TRIQK: variants seen among roughly 807,000 people sequenced by gnomAD.
The protein encoded by TRIQK is triple QxxK/R motif containing, also known as triple QxxK/R motif-containing protein.
A neutral mutation model predicts 10.8 loss-of-function variants in TRIQK; 10 were observed. The observed-to-expected ratio is 0.92, with a 90% CI of 0.57 to 1.57. The LOEUF is 1.57. Among genes scored for constraint, TRIQK ranks in the 40% most tolerant of loss-of-function variants. The probability of loss-of-function intolerance (pLI) is 0.00; values close to 1 mark genes in which losing one functional copy is unlikely to be tolerated. For missense variants in TRIQK, 107 were observed against 97.7 expected (o/e 1.09, Z -0.40); for synonymous variants, 33 against 33.7 (o/e 0.98, Z 0.07).
chr8:92,921,972 C>T (rs554595977), intron 2 of TRIQK, among the ~76,000 whole-genome samples: 108 of 151,850 alleles, frequency 7.1e-4, no homozygotes, highest in African/African-American at 2.5e-3. Flanking sequence ...CCATATGTGA[C>T]AAAGTTATAA....
At chr8:92,901,629 T>C (rs1182181297) in intron 3 of TRIQK, among the ~76,000 whole-genome samples, 1 of 152,134 alleles carries the variant, frequency 6.6e-6, no homozygotes, top group Non-Finnish European at 1.5e-5. Context: ...TTTTAATGTG[T>C]TGTTGGACTT....
chr8:92,915,229 T>C (rs1586414553), intron 3 of TRIQK, among the ~76,000 whole-genome samples: 1 of 152,108 alleles, frequency 6.6e-6, no homozygotes, highest in Admixed American at 6.6e-5. Flanking sequence ...TGCAGAGATG[T>C]AGGTCAAGGG....
In TRIQK at chr8:92,884,621, G is replaced by T; in HGVS notation, c.*2001C>A. The T allele has an allele frequency of 3.1e-6, 1 of 325,358 alleles. No homozygotes were observed. Among genetic ancestry groups the T allele is most frequent in the South Asian group, 2.6e-5 (1 of 38,866 alleles). 20.2% of individuals were successfully genotyped at this position (325,358 alleles called of 1,614,324 possible). A position where few individuals can be genotyped will look rare whatever the true frequency, so the allele number is the denominator to read the frequency against. ...AACAGAATGGTAAAGTTTTTTTCAG[G>T]ATAATGAATTTTCAAACATTTCCAA... On this transcript the variant is annotated 3_prime_UTR_variant, in exon 5 of 5. Transcript: ENST00000521988.
chr8:92,897,735 C>T (rs553657203), intron 3 of TRIQK, among the ~76,000 whole-genome samples: 37 of 152,214 alleles, frequency 2.4e-4, no homozygotes, highest in Middle Eastern at 6.8e-3. Flanking sequence ...TCCTTAAATG[C>T]TTTGAACCAC....
rs1816382545 is a variant in TRIQK at position 92,884,779 on chromosome 8, A to G, written c.*1843T>C. Reference sequence around the variant, plus strand: ...CTAGAAATAATCTTTATTTAATACGACTGTTTTAACACCATATGGAACGGG... The same window carrying G: ...CTAGAAATAATCTTTATTTAATACGGCTGTTTTAACACCATATGGAACGGG... On this transcript the variant is annotated 3_prime_UTR_variant, in exon 5 of 5. Coordinates refer to ENST00000521988, the MANE Select transcript of TRIQK (RefSeq NM_001171797.2). 2.2e-6 allele frequency: 1 copy of G among 444,750 alleles called. No individual in the cohort carries two copies. The highest frequency in any genetic ancestry group is 4.6e-6 in the Non-Finnish European group (1 of 219,694). The allele number at this position is 444,750 out of a possible 1,614,324, so 27.6% of individuals were successfully genotyped here.
chr8:92,914,508 T>C lies in TRIQK; in HGVS notation c.61+2421A>G, dbSNP rs184270694. ...CTTGAGAAACAGTTAAGTCAAATTA[T>C]ATAAGGAACTTATATTTTACAATAG... On this transcript the variant is annotated intron_variant, in intron 3 of 4. Transcript: ENST00000521988. 1.7e-4 allele frequency among the ~76,000 whole-genome samples: 26 copies of C among 152,316 alleles called. No homozygotes were observed. The East Asian group carries it at 4.1e-3, about 24-fold the overall frequency.
chr8:92,931,284 T>A (rs1302387782), intron 2 of TRIQK, among the ~76,000 whole-genome samples: 1 of 152,204 alleles, frequency 6.6e-6, no homozygotes, highest in Non-Finnish European at 1.5e-5. Flanking sequence ...TTAATTTATA[T>A]GCATTTTACA....
In TRIQK at chr8:92,886,596, T is replaced by A. The variant is rs1461537718; in HGVS notation, c.*26A>T. ...AAAGGTGCTTTCGTAAAGTTATTTC[T>A]CTTTCATGCATTGATTGTTGCTTAG... On this transcript the variant is annotated 3_prime_UTR_variant, in exon 5 of 5. Transcript: ENST00000521988. 13 of 1,401,276 alleles carry A rather than the reference T, an allele frequency of 9.3e-6. No individual in the cohort carries two copies. The highest frequency in any genetic ancestry group is 1.1e-5 in the Non-Finnish European group (12 of 1,049,002). The allele number at this position is 1,401,276 out of a possible 1,614,324, so 86.8% of individuals were successfully genotyped here.
chr8:92,913,365 A>T (rs533894448), intron 3 of TRIQK, among the ~76,000 whole-genome samples: 1 of 152,208 alleles, frequency 6.6e-6, no homozygotes, highest in African/African-American at 2.4e-5. Flanking sequence ...AACATATGAA[A>T]AAAAGCTCAG....
At chr8:92,942,607 C>T (rs1244049350) in intron 2 of TRIQK, among the ~76,000 whole-genome samples, 5 of 152,096 alleles carry the variant, frequency 3.3e-5, no homozygotes, top group East Asian at 1.9e-4. Context: ...AAATTGTGCC[C>T]GTTTGCAGAT....
chr8:92,992,790 C>G (rs1057383034), intron 1 of TRIQK, among the ~76,000 whole-genome samples: 3 of 152,138 alleles, frequency 2.0e-5, no homozygotes, highest in African/African-American at 7.2e-5. Context: ...CTGAGTAAAA[C>G]CTCCGGCACC....
At chr8:92,950,812 T>A (rs1811856882) in intron 2 of TRIQK, among the ~76,000 whole-genome samples, 1 of 152,136 alleles carries the variant, frequency 6.6e-6, no homozygotes, top group African/African-American at 2.4e-5. Context: ...TTCCAAAACC[T>A]TTAAGAAAAT....
chr8:92,944,494 G>T (rs1164522979), intron 2 of TRIQK, among the ~76,000 whole-genome samples: 3 of 152,046 alleles, frequency 2.0e-5, no homozygotes, highest in Non-Finnish European at 4.4e-5. Context: ...TAAATAAAAT[G>T]AAGCATATAT....
Position 92,956,208 on chromosome 8 carries a change from G to A in TRIQK, c.-180-1644C>T, listed in dbSNP as rs372194302. ...TATCTATATGGTGGAATATTAAAAAGAATGAAATATTGATAATGCTGCAAC... is the reference window on the plus strand; with the variant it reads ...TATCTATATGGTGGAATATTAAAAAAAATGAAATATTGATAATGCTGCAAC... On this transcript the variant is annotated intron_variant, in intron 1 of 4. Coordinates refer to ENST00000521988, the MANE Select transcript of TRIQK (RefSeq NM_001171797.2). 5.3e-5 allele frequency among the ~76,000 whole-genome samples: 8 copies of A among 151,854 alleles called. No homozygotes were observed. The South Asian group carries it at 8.3e-4, about 16-fold the overall frequency.
At chr8:93,002,583 A>G (rs1424052898) in intron 1 of TRIQK, among the ~76,000 whole-genome samples, 3 of 152,172 alleles carry the variant, frequency 2.0e-5, no homozygotes, top group African/African-American at 7.2e-5. Context: ...GAACAGACCA[A>G]TAATGAATGA....
At chr8:92,891,887 A>T (rs1816783774) in intron 4 of TRIQK, 102 bp downstream of exon 4, 6 of 815,840 alleles carry the variant, frequency 7.4e-6, no homozygotes, top group Non-Finnish European at 1.8e-6. Flanking sequence ...TAGATTGTGA[A>T]ATGTCATAAA....
At chr8:92,912,803 T>G (rs1431907899) in intron 3 of TRIQK, among the ~76,000 whole-genome samples, 2 of 151,714 alleles carry the variant, frequency 1.3e-5, no homozygotes, top group Non-Finnish European at 2.9e-5. Context: ...GCCTGAAAAC[T>G]AGTAACAAAT....
Position 92,886,735 on chromosome 8 carries a change from C to T in TRIQK, c.148G>A (p.Glu50Lys). ...EAKKTAIGIKEVGLVLAAILA... is the reference protein window; with the variant it reads ...EAKKTAIGIKKVGLVLAAILA... ...ATAGCTGCAAGTACAAGGCCAACTT[C>T]CTGGGAAGAAAAAAAAAGTAGACTT... Residue 50 changes from glutamate (E) to lysine (K), a missense_variant and splice_region_variant, in exon 5 of 5, where the codon GAA becomes AAA. Coordinates refer to ENST00000521988, the MANE Select transcript of TRIQK (RefSeq NM_001171797.2). 6.6e-7 allele frequency: 1 copy of T among 1,509,516 alleles called. No individual in the cohort carries two copies. Among genetic ancestry groups the T allele is most frequent in the Non-Finnish European group, 8.9e-7 (1 of 1,125,858 alleles). The allele number at this position is 1,509,516 out of a possible 1,614,324, so 93.5% of individuals were successfully genotyped here.
At chr8:92,976,792 A>G (rs1312491852) in intron 1 of TRIQK, among the ~76,000 whole-genome samples, 1 of 151,962 alleles carries the variant, frequency 6.6e-6, no homozygotes, top group Non-Finnish European at 1.5e-5. Context: ...TCATAGCTGT[A>G]ACTTTTTAAT....
Sources: allele counts gnomAD v4.1 joint callset (sites outside exome capture counted in the v4.1 genomes callset), GRCh38; gene constraint gnomAD v4.1.1; transcripts MANE v1.5; gene names NCBI Gene and HGNC (gene_info 2026-07-23, HGNC 2026-07-21).